The following PDE4A variants were observed in gnomAD, a reference collection of about 807,000 sequenced individuals.
PDE4A encodes the protein 3',5'-cyclic-AMP phosphodiesterase 4A.
In PDE4A, 21 loss-of-function variants were observed where a neutral mutation model predicts 73.9. That is an observed-to-expected ratio of 0.28 (90% CI 0.20 to 0.41). PDE4A has a LOEUF of 0.41. PDE4A is among the 10% of genes least tolerant of loss of function. The probability of loss-of-function intolerance (pLI) is 1.00; values close to 1 mark genes in which losing one functional copy is unlikely to be tolerated. For synonymous variants in PDE4A, 463 were observed against 505.4 expected (o/e 0.92, Z 1.13); for missense variants, 958 against 1,211.4 (o/e 0.79, Z 3.10).
intron 7 of PDE4A, among the ~76,000 whole-genome samples, chr19:10,456,973 G>A (rs1344803469): frequency 3.9e-5 from 6 of 152,070 alleles, no homozygotes; most frequent in Admixed American, 3.3e-4. Context: ...CGAGGCAGGC[G>A]GATCACTTGA....
intron 1 of PDE4A, among the ~76,000 whole-genome samples, chr19:10,438,996 A>C (rs1028292597): frequency 6.6e-6 from 1 of 152,166 alleles, no homozygotes; most frequent in Non-Finnish European, 1.5e-5. Flanking sequence ...TGATCCATTC[A>C]TCTGTTGATG....
rs774496577 is a variant in PDE4A at position 10,463,779 on chromosome 19, C to T, written c.1744-14C>T. On this transcript the variant is annotated splice_polypyrimidine_tract_variant and intron_variant, in intron 13 of 14. Transcript: ENST00000380702. ...TAGCCTCTGAAGTTTCCCCTGTGCC[C>T]CAACCCCATGCAGGTCCTCCGGAAC... The T allele has an allele frequency of 6.2e-7, 1 of 1,613,782 alleles. No homozygotes were observed. Among genetic ancestry groups the T allele is most frequent in the Admixed American group, 1.7e-5 (1 of 60,004 alleles).
rs1335282497 is a variant in PDE4A, at chr19:10,467,069, G to A, written c.2109G>A (p.Leu703=). Residue 703 remains leucine (L), a synonymous_variant, in exon 15 of 15, where the codon CTG becomes CTA. Coordinates refer to ENST00000380702, the MANE Select transcript of PDE4A (RefSeq NM_001111307.2). ...CAAGGGGGCCAGGCCACCCACCCCT[G>A]CCTGACAAGTTCCAGTTTGAGCTGA... ...EESRGPGHPP[L]PDKFQFELTL... is the part of the protein sequence containing the mutation. 1 of 1,614,180 alleles carries A rather than the reference G, an allele frequency of 6.2e-7. No homozygotes were observed. Among genetic ancestry groups the A allele is most frequent in the Non-Finnish European group, 8.5e-7 (1 of 1,180,030 alleles).
intron 8 of PDE4A, 104 bp from the exon 9 acceptor site, chr19:10,459,296 C>T: frequency 1.3e-6 from 2 of 1,568,304 alleles, no homozygotes; most frequent in South Asian, 1.2e-5. Flanking sequence ...ACTGGGTGAG[C>T]AATAATGGTG....
rs4539725 is a variant in PDE4A, at chr19:10,427,858, G to A, written c.320+6774G>A. The A allele has an allele frequency of 0.011, 10,652 of 985,166 alleles. 867 individuals are homozygous for A. The African/African-American group carries it at 0.17, about 16-fold the overall frequency. The allele number at this position is 985,166 out of a possible 1,614,324, so 61.0% of individuals were successfully genotyped here. ...GAACAAAAATGCATTTCTGGGACAG[G>A]TATAGTGGCTCATGCCCAACACACT... On this transcript the variant is annotated intron_variant, in intron 1 of 14. Transcript: ENST00000380702.
At position 10,466,562 on chromosome 19, in the gene PDE4A, A is replaced by T. The variant is rs146484227; in HGVS notation, c.1927-325A>T. ...ACCCAGGCTGGAGTGCAGTGGTGCG[A>T]TCGCAGCTCATTGCAATCTCCGCCT... On this transcript the variant is annotated intron_variant, in intron 14 of 14. Transcript: ENST00000380702. Among the ~76,000 whole-genome samples, 1,382 of 151,422 alleles carry T rather than the reference A, an allele frequency of 9.1e-3. 29 individuals carry two copies. Among genetic ancestry groups the T allele is most frequent in the African/African-American group, 0.031 (1,297 of 41,306 alleles).
At chr19:10,420,348 C>A, upstream of PDE4A, 5 of 975,980 alleles carry the variant, frequency 5.1e-6, no homozygotes, top group Non-Finnish European at 4.9e-6. The surrounding 1 kb of genome is among the most constrained non-coding windows in gnomAD (Gnocchi z 6.0). Context: ...CCCTCCCAGC[C>A]CGGAGCGGGG....
intron 13 of PDE4A, among the ~76,000 whole-genome samples, chr19:10,462,361 A>G (rs1461752690): frequency 6.6e-6 from 1 of 151,960 alleles, no homozygotes; most frequent in East Asian, 1.9e-4. Flanking sequence ...CATGTCTGTC[A>G]GGCTGGTCTC....
Position 10,420,941 on chromosome 19 carries a change from G to A in PDE4A, c.177G>A (p.Arg59=). The part of the protein sequence containing the change: ...SDSAERAERE[R]QPHRPIERAD... ...GCGCGGAGCGCGCCGAGCGGGAGCGGCAGCCGCACCGGCCCATAGAGCGCG... is the reference window on the plus strand; with the variant it reads ...GCGCGGAGCGCGCCGAGCGGGAGCGACAGCCGCACCGGCCCATAGAGCGCG... The change falls in exon 1 of 15, where the codon CGG becomes CGA. Residue 59 remains arginine, a synonymous_variant. Transcript: ENST00000380702. This position sits in a 1 kb window ranked among gnomAD's most constrained non-coding sequence, Gnocchi z 6.0. The A allele has an allele frequency of 6.4e-7, 1 of 1,567,284 alleles. No homozygotes were observed. Among genetic ancestry groups the A allele is most frequent in the Non-Finnish European group, 8.6e-7 (1 of 1,165,848 alleles).
chr19:10,424,722 C>T lies in PDE4A; in HGVS notation c.320+3638C>T, dbSNP rs1163439057. 6.6e-6 allele frequency among the ~76,000 whole-genome samples: 1 copy of T among 152,260 alleles called. No homozygotes were observed. The highest frequency in any genetic ancestry group is 1.5e-5 in the Non-Finnish European group (1 of 68,036). On this transcript the variant is annotated intron_variant, in intron 1 of 14. Coordinates refer to ENST00000380702, the MANE Select transcript of PDE4A (RefSeq NM_001111307.2). The surrounding 1 kb of genome is among the most constrained non-coding windows in gnomAD (Gnocchi z 4.8). ...CAGGCCGCTTTCCCCATGCGCCAGC[C>T]CCTGCCACACGCTGCGGGGACTGTC...
At chr19:10,420,520 C>A, upstream of PDE4A, 2 of 1,080,680 alleles carry the variant, frequency 1.9e-6, no homozygotes, top group Non-Finnish European at 2.3e-6. This position sits in a 1 kb window ranked among gnomAD's most constrained non-coding sequence, Gnocchi z 6.0. Flanking sequence ...CCGCGGAACG[C>A]GGAGCGCGGA....
intron 1 of PDE4A, among the ~76,000 whole-genome samples, chr19:10,428,412 G>C (rs1050844075): frequency 6.6e-6 from 1 of 152,070 alleles, no homozygotes; most frequent in Non-Finnish European, 1.5e-5. Context: ...GAGAGAGAGA[G>C]AGAGAGATCA....
Position 10,453,074 on chromosome 19 carries a change from A to C in PDE4A, c.784-1755A>C. ...GGGGCCCAGGGCTGGCGGGCCATGT[A>C]ACCAGGGCTGCTGCTGGGAGCGCGG... is the stretch of plus-strand genomic sequence containing the variant. On this transcript the variant is annotated intron_variant, in intron 6 of 14. Transcript: ENST00000380702. This position sits in a 1 kb window ranked among gnomAD's most constrained non-coding sequence, Gnocchi z 4.6. 1 of 1,331,442 alleles carries C rather than the reference A, an allele frequency of 7.5e-7. No individual in the cohort carries two copies. Among genetic ancestry groups the C allele is most frequent in the Non-Finnish European group, 9.6e-7 (1 of 1,042,060 alleles). The allele number at this position is 1,331,442 out of a possible 1,614,324, so 82.5% of individuals were successfully genotyped here.
At chr19:10,438,817 G>T (rs2042899413) in intron 1 of PDE4A, among the ~76,000 whole-genome samples, 1 of 152,082 alleles carries the variant, frequency 6.6e-6, no homozygotes, top group African/African-American at 2.4e-5. Context: ...TGTTGGTCAG[G>T]CTGGTCTCGA....
At chr19:10,455,900 C>G (rs2043162963) in intron 7 of PDE4A, among the ~76,000 whole-genome samples, 1 of 152,042 alleles carries the variant, frequency 6.6e-6, no homozygotes, top group Non-Finnish European at 1.5e-5. Context: ...AAGAGAGATG[C>G]CCAAACTCAG....
rs2043408155 is a variant in PDE4A at position 10,467,907 on chromosome 19, AAG to A, written c.*288_*289del. On this transcript the variant is annotated 3_prime_UTR_variant, in exon 15 of 15. Transcript: ENST00000380702. ...AACATTTTTAGAAAAAGAACAAAAA[AAG>A]AAAAAAAAAAGAAAGAAACACAGCA... The A allele has an allele frequency of 3.5e-6, 1 of 286,736 alleles. No homozygotes were observed. Among genetic ancestry groups the A allele is most frequent in the Non-Finnish European group, 6.4e-6 (1 of 156,094 alleles). The allele number at this position is 286,736 out of a possible 1,614,324, so 17.8% of individuals were successfully genotyped here. A position where few individuals can be genotyped will look rare whatever the true frequency, so the allele number is the denominator to read the frequency against.
Position 10,467,187 on chromosome 19 carries a change from G to C in PDE4A, c.2227G>C (p.Glu743Gln), listed in dbSNP as rs758350210. The change falls in exon 15 of 15, where the codon GAG (glutamate) becomes CAG (glutamine). Residue 743 changes from glutamate to glutamine, a missense_variant. Transcript: ENST00000380702. The stretch of plus-strand genomic sequence containing the variant: ...GACTGCGCAGGGATTGTCAGGAGTC[G>C]AGGAAGCTCTGGATGCAACCATAGC... The part of the protein sequence containing the change: ...ALTAQGLSGV[E>Q]EALDATIAWE... 2 of 1,614,126 alleles carry C rather than the reference G, an allele frequency of 1.2e-6. No homozygotes were observed. The highest frequency in any genetic ancestry group is 1.7e-6 in the Non-Finnish European group (2 of 1,180,020).
In PDE4A at chr19:10,449,166, G is replaced by T. The variant is rs1200472742; in HGVS notation, c.620+16G>T. 1.2e-6 allele frequency: 2 copies of T among 1,611,784 alleles called. No homozygotes were observed. The highest frequency in any genetic ancestry group is 2.2e-5 in the East Asian group (1 of 44,842). Reference sequence around the variant, plus strand: ...CCAGTAACAAGTAAGTGAAGGCTGGGCTGCAACAGCTGTGATCATAAGGTG... The same window carrying T: ...CCAGTAACAAGTAAGTGAAGGCTGGTCTGCAACAGCTGTGATCATAAGGTG... On this transcript the variant is annotated intron_variant, in intron 4 of 14. Transcript: ENST00000380702.
chr19:10,464,819 A>G (rs1245611375), intron 14 of PDE4A, among the ~76,000 whole-genome samples: 2 of 150,632 alleles, frequency 1.3e-5, no homozygotes, highest in African/African-American at 4.9e-5. Context: ...CTGGGCTAAA[A>G]TGATCCTCCA....
Sources: allele counts gnomAD v4.1 joint callset (sites outside exome capture counted in the v4.1 genomes callset), GRCh38; gene constraint gnomAD v4.1.1; non-coding constraint Gnocchi (gnomAD v3.1); transcripts MANE v1.5; gene names NCBI Gene and HGNC (gene_info 2026-07-23, HGNC 2026-07-21).